The following ABCD2 variants were observed in gnomAD, a reference collection of about 807,000 sequenced individuals.
The protein encoded by ABCD2 is ATP binding cassette subfamily D member 2, also known as ATP-binding cassette sub-family D member 2.
A neutral mutation model predicts 70.9 loss-of-function variants in ABCD2; 36 were observed. That is an observed-to-expected ratio of 0.51 (90% CI 0.39 to 0.67). ABCD2 has a LOEUF of 0.67. Ranked by LOEUF, ABCD2 falls within the 30% of genes least tolerant of loss-of-function variation. The pLI is 0.00. For missense variants in ABCD2, 729 were observed against 890.2 expected (o/e 0.82, Z 2.30); for synonymous variants, 304 against 306.9 (o/e 0.99, Z 0.10).
the ABCD2 span, among the ~76,000 whole-genome samples, chr12:39,532,337 G>A: frequency 6.6e-6 from 1 of 152,196 alleles, no homozygotes; most frequent in African/African-American, 2.4e-5. Context: ...ACTTTAAAAC[G>A]TGAAGCTGAC....
chr12:39,572,210 T>C (rs150607929), intron 9 of ABCD2, among the ~76,000 whole-genome samples: 1 of 152,336 alleles, frequency 6.6e-6, no homozygotes, highest in Non-Finnish European at 1.5e-5. Context: ...AATGGCAGGA[T>C]AGCATAATAA....
At chr12:39,543,319 AG>A in the ABCD2 span, among the ~76,000 whole-genome samples, 2 of 152,186 alleles carry the variant, frequency 1.3e-5, no homozygotes, top group African/African-American at 4.8e-5. Context: ...CATAGGTCAT[AG>A]GTCTCCAGAA....
chr12:39,568,712 A>G (rs1941398692), intron 9 of ABCD2, among the ~76,000 whole-genome samples: 1 of 152,022 alleles, frequency 6.6e-6, no homozygotes, highest in Admixed American at 6.6e-5. Context: ...TCTGATTTTT[A>G]GAGTTTCCAG....
intron 8 of ABCD2, among the ~76,000 whole-genome samples, chr12:39,575,303 A>G (rs958756623): frequency 2.0e-5 from 3 of 151,986 alleles, no homozygotes; most frequent in African/African-American, 7.3e-5. Flanking sequence ...AGCAACCTCT[A>G]CTCTAGCAGA....
intron 6 of ABCD2, among the ~76,000 whole-genome samples, chr12:39,590,341 A>C (rs955290030): frequency 6.6e-6 from 1 of 152,342 alleles, no homozygotes; most frequent in East Asian, 1.9e-4. Context: ...ATCATGCAAC[A>C]TATCTAACAT....
At chr12:39,533,994 C>G in the ABCD2 span, among the ~76,000 whole-genome samples, 1 of 152,162 alleles carries the variant, frequency 6.6e-6, no homozygotes, top group Non-Finnish European at 1.5e-5. Flanking sequence ...CTTTGCAGAA[C>G]CTGGGGTATA....
chr12:39,591,190 A>G lies in ABCD2; in HGVS notation c.1647-4893T>C, dbSNP rs574082817. Among the ~76,000 whole-genome samples, 6 of 152,296 alleles carry G rather than the reference A, an allele frequency of 3.9e-5. No individual in the cohort carries two copies. In the East Asian group the frequency reaches 9.6e-4, roughly 24 times the overall value. On this transcript the variant is annotated intron_variant, in intron 6 of 9. Coordinates refer to ENST00000308666, the MANE Select transcript of ABCD2 (RefSeq NM_005164.4). ...CTATCAATAATTCACATAACTATAC[A>G]TGCTGGAACCAATCATTGCATCAGG...
At chr12:39,539,425 T>C in the ABCD2 span, among the ~76,000 whole-genome samples, 3 of 152,218 alleles carry the variant, frequency 2.0e-5, no homozygotes, top group Non-Finnish European at 4.4e-5. Context: ...ATTGTTTTGT[T>C]AAACATATGC....
In ABCD2 at chr12:39,555,625, A is replaced by T. The variant is rs181147094; in HGVS notation, c.2004-1494T>A. Among the ~76,000 whole-genome samples the T allele has an allele frequency of 2.6e-5, 4 of 152,322 alleles. No individual in the cohort carries two copies. The East Asian group carries it at 7.7e-4, about 29-fold the overall frequency. On this transcript the variant is annotated intron_variant, in intron 9 of 9. Coordinates refer to ENST00000308666, the MANE Select transcript of ABCD2 (RefSeq NM_005164.4). The stretch of plus-strand genomic sequence containing the variant: ...TTGGGGAAAAGAGAGGGATGTAAGC[A>T]TAAGAGTTTGCATTGGAACACACTA...
chr12:39,618,600 C>T, intron 1 of ABCD2, 77 bp downstream of exon 1: 1 of 1,365,904 alleles, frequency 7.3e-7, no homozygotes, highest in Non-Finnish European at 1.0e-6. Flanking sequence ...ATCGACAGGA[C>T]AACAGATGGT....
chr12:39,585,771 G>T (rs966730202), intron 7 of ABCD2, among the ~76,000 whole-genome samples: 27 of 151,988 alleles, frequency 1.8e-4, no homozygotes, highest in African/African-American at 6.3e-4. Context: ...AAAGTTCTGT[G>T]GTATCTACTT....
At chr12:39,616,335 G>C (rs925561229) in intron 2 of ABCD2, among the ~76,000 whole-genome samples, 19 of 152,150 alleles carry the variant, frequency 1.2e-4, no homozygotes, top group African/African-American at 4.6e-4. Flanking sequence ...TTATTCCAAA[G>C]AATAAAAACT....
chr12:39,534,760 GA>G, the ABCD2 span, among the ~76,000 whole-genome samples: 2 of 113,178 alleles, frequency 1.8e-5, no homozygotes, highest in Non-Finnish European at 3.4e-5. Context: ...AAGAAAGAAA[GA>G]GAAAGAAAGA....
intron 9 of ABCD2, among the ~76,000 whole-genome samples, chr12:39,571,543 A>G (rs1415881340): frequency 6.6e-6 from 1 of 152,172 alleles, no homozygotes; most frequent in East Asian, 1.9e-4. Context: ...TCGATGTATA[A>G]TGATGGTTTG....
chr12:39,537,090 A>T, the ABCD2 span, among the ~76,000 whole-genome samples: 1 of 150,456 alleles, frequency 6.6e-6, no homozygotes. Flanking sequence ...TCCACTGGTG[A>T]TCTCACCCTG....
intron 2 of ABCD2, among the ~76,000 whole-genome samples, chr12:39,614,104 G>C (rs536683862): frequency 1.3e-5 from 2 of 152,098 alleles, no homozygotes; most frequent in African/African-American, 4.8e-5. Context: ...TTGTAACAAC[G>C]CTGCTATCAT....
intron 9 of ABCD2, among the ~76,000 whole-genome samples, chr12:39,557,390 A>C (rs1591964271): frequency 6.6e-6 from 1 of 152,184 alleles, no homozygotes; most frequent in Non-Finnish European, 1.5e-5. Context: ...CTTCACAAAG[A>C]GATGATTTGG....
the ABCD2 span, among the ~76,000 whole-genome samples, chr12:39,540,763 A>G: frequency 6.6e-6 from 1 of 152,204 alleles, no homozygotes; most frequent in Non-Finnish European, 1.5e-5. Context: ...TCAACCAGAA[A>G]ATGTTTAAAT....
chr12:39,568,517 T>C (rs185229810), intron 9 of ABCD2, among the ~76,000 whole-genome samples: 1 of 152,318 alleles, frequency 6.6e-6, no homozygotes, highest in East Asian at 1.9e-4. Context: ...TTTTTCTAGC[T>C]AGCCATTCGT....
Sources: gnomAD v4.1 joint callset for allele counts (sites outside exome capture counted in the v4.1 genomes callset) on GRCh38, gnomAD v4.1.1 for gene constraint, MANE v1.5 for transcripts, NCBI Gene and HGNC (gene_info 2026-07-23, HGNC 2026-07-21) for gene names.